The following SHROOM3 variants were observed in gnomAD, a reference collection of about 807,000 sequenced individuals.
SHROOM3 encodes the protein protein Shroom3.
A neutral mutation model predicts 138.6 loss-of-function variants in SHROOM3; 47 were observed. The observed-to-expected ratio is 0.34, with a 90% CI of 0.27 to 0.43. The LOEUF (loss-of-function observed/expected upper bound fraction) is 0.43. Among genes scored for constraint, SHROOM3 ranks in the 20% least tolerant of loss-of-function variants. The pLI, the probability that SHROOM3 is intolerant of heterozygous loss-of-function variation, is 1.00. For missense variants in SHROOM3, 2,491 were observed against 2,596.5 expected (o/e 0.96, Z 0.88); for synonymous variants, 1,062 against 1,063.3 (o/e 1.00, Z 0.02).
At position 76,770,491 on chromosome 4, in the gene SHROOM3, G is replaced by A. The variant is rs1247127619; in HGVS notation, c.5350-135G>A. 3.2e-6 allele frequency: 3 copies of A among 935,108 alleles called. No homozygotes were observed. The South Asian group carries it at 4.4e-5, about 14-fold the overall frequency. The allele number at this position is 935,108 out of a possible 1,614,324, so 57.9% of individuals were successfully genotyped here. ...AAGGCTATTATGGCATAATATTGGG[G>A]GACACTCCATATAGAGAAGGGGGAG... On this transcript the variant is annotated intron_variant, in intron 9 of 10. Transcript: ENST00000296043.
intron 1 of SHROOM3, among the ~76,000 whole-genome samples, chr4:76,519,198 G>A (rs1362231373): frequency 6.6e-6 from 1 of 152,126 alleles, no homozygotes; most frequent in Non-Finnish European, 1.5e-5. Flanking sequence ...GTAGACGGGA[G>A]GGCTATTCCC....
In SHROOM3 at chr4:76,608,534, GCATAGCATAGCATA is replaced by G. The variant is rs1734671425; in HGVS notation, c.323+52772_323+52785del. 1.6e-3 allele frequency among the ~76,000 whole-genome samples: 23 copies of G among 14,308 alleles called. 1 individual carries two copies. In the South Asian group the frequency reaches 0.025, roughly 15 times the overall value. 9.4% of individuals were successfully genotyped at this position (14,308 alleles called of 152,430 possible). A position where few individuals can be genotyped will look rare whatever the true frequency, so the allele number is the denominator to read the frequency against. On this transcript the variant is annotated intron_variant, in intron 2 of 10. Coordinates refer to ENST00000296043, the MANE Select transcript of SHROOM3 (RefSeq NM_020859.4). ...TGATTGATTGGACAGAGATGGCATA[GCATAGCATAGCATA>G]GCATAGCATAGCATAGCATAGCATA...
chr4:76,742,699 T>A lies in SHROOM3; in HGVS notation c.3753+773T>A, dbSNP rs372853233. Among the ~76,000 whole-genome samples the A allele has an allele frequency of 1.3e-5, 2 of 152,236 alleles. 1 individual carries two copies. The highest frequency in any genetic ancestry group is 3.8e-4 in the East Asian group (2 of 5,202). On this transcript the variant is annotated intron_variant, in intron 5 of 10. Coordinates refer to ENST00000296043, the MANE Select transcript of SHROOM3 (RefSeq NM_020859.4). ...CTGAGCATTCTGACTCCTAGGAGCC[T>A]GTTAATTTCCCTAATTCTTAGCCTA...
intron 1 of SHROOM3, among the ~76,000 whole-genome samples, chr4:76,469,886 G>A (rs578148840): frequency 2.6e-5 from 4 of 151,774 alleles, no homozygotes; most frequent in Middle Eastern, 3.2e-3. Flanking sequence ...AAGAGATAGA[G>A]CTTTATAGGA....
intron 9 of SHROOM3, 87 bp downstream of exon 9, chr4:76,759,782 G>C: frequency 1.3e-6 from 2 of 1,500,222 alleles, no homozygotes; most frequent in Non-Finnish European, 1.8e-6. Context: ...TGGGCCTCTT[G>C]AGGCAGGTGG....
intron 3 of SHROOM3, among the ~76,000 whole-genome samples, chr4:76,720,294 T>G (rs11732605): frequency 0.071 from 10,845 of 151,698 alleles, 494 homozygotes; most frequent in Non-Finnish European, 0.1. Flanking sequence ...AATGGAGTGT[T>G]GAAGGACAAT....
intron 2 of SHROOM3, chr4:76,586,371 C>G: frequency 2.0e-6 from 2 of 985,768 alleles, no homozygotes; most frequent in Non-Finnish European, 2.4e-6. Flanking sequence ...GCCACCAAGC[C>G]CCCGCGGTGG....
intron 1 of SHROOM3, among the ~76,000 whole-genome samples, chr4:76,462,883 A>C (rs1466180092): frequency 1.3e-5 from 2 of 152,076 alleles, no homozygotes; most frequent in Non-Finnish European, 2.9e-5. Context: ...GGAACTGTGG[A>C]TCAATTTAAC....
At chr4:76,533,873 G>T (rs73826226) in intron 1 of SHROOM3, among the ~76,000 whole-genome samples, 1 of 152,148 alleles carries the variant, frequency 6.6e-6, no homozygotes, top group Non-Finnish European at 1.5e-5. Flanking sequence ...ACACACTCCC[G>T]TGTCTCGAGT....
intron 3 of SHROOM3, among the ~76,000 whole-genome samples, chr4:76,716,907 ATTCC>A (rs1274409983): frequency 2.0e-5 from 3 of 152,148 alleles, no homozygotes; most frequent in Non-Finnish European, 2.9e-5. Context: ...ACTTTCACTT[ATTCC>A]TTCTCTGATG....
Position 76,740,290 on chromosome 4 carries a change from G to A in SHROOM3, c.2117G>A (p.Arg706Lys), listed in dbSNP as rs374976140. The part of the protein sequence containing the change: ...AVNTKAEDPG[R>K]KAAPDLGSHL... ...AACACCAAGGCAGAAGACCCTGGGA[G>A]GAAAGCCGCTCCTGACCTCGGGAGC... Residue 706 changes from arginine to lysine, a missense_variant, in exon 5 of 11, where the codon AGG (arginine) becomes AAG (lysine). By Grantham distance (26) the Arg-to-Lys change is conservative. Around this residue, in one of 4 missense-constraint regions of SHROOM3, gnomAD observed 1,733 missense variants for 1,661.6 expected, o/e 1.04. Coordinates refer to ENST00000296043, the MANE Select transcript of SHROOM3 (RefSeq NM_020859.4). The surrounding 1 kb of genome is among the most constrained non-coding windows in gnomAD (Gnocchi z 4.0). The A allele has an allele frequency of 1.5e-5, 24 of 1,613,078 alleles. No individual in the cohort carries two copies. In the African/African-American group the frequency reaches 2.8e-4, roughly 19 times the overall value.
chr4:76,555,723 G>C lies in SHROOM3; in HGVS notation c.283G>C (p.Val95Leu), dbSNP rs1733470628. Residue 95 changes from valine (V) to leucine (L), a missense_variant, in exon 2 of 11, where the codon GTG becomes CTG. By Grantham distance (32) the Val-to-Leu change is conservative. This residue lies in a region of SHROOM3 where 284 missense variants were observed against 322.8 expected (regional missense o/e 0.88). Transcript: ENST00000296043. Reference protein sequence around the residue: ...SSSRKEAVSLVKGSYKTLRLV... With the variant: ...SSSRKEAVSLLKGSYKTLRLV... The stretch of plus-strand genomic sequence containing the variant: ...CTCCAGAAAGGAGGCAGTTTCCCTG[G>C]TGAAAGGATCCTACAAGACCCTCAG... The C allele has an allele frequency of 1.9e-6, 3 of 1,613,884 alleles. No individual in the cohort carries two copies. The highest frequency in any genetic ancestry group is 2.5e-6 in the Non-Finnish European group (3 of 1,180,012).
chr4:76,750,376 GCT>G (rs1560613748), intron 6 of SHROOM3, among the ~76,000 whole-genome samples: 22 of 152,286 alleles, frequency 1.4e-4, no homozygotes, highest in African/African-American at 5.3e-4. Flanking sequence ...CATGGATGGA[GCT>G]GAAGGCCATT....
intron 1 of SHROOM3, among the ~76,000 whole-genome samples, chr4:76,500,614 C>G (rs1335324803): frequency 6.6e-6 from 1 of 152,018 alleles, no homozygotes; most frequent in Non-Finnish European, 1.5e-5. Flanking sequence ...TTTGCCAACT[C>G]TTGGTATTTT....
chr4:76,751,368 T>C (rs891673932), intron 6 of SHROOM3, among the ~76,000 whole-genome samples: 1 of 152,196 alleles, frequency 6.6e-6, no homozygotes, highest in Non-Finnish European at 1.5e-5. Flanking sequence ...CCTGAATACA[T>C]GAAATTCAGA....
intron 1 of SHROOM3, among the ~76,000 whole-genome samples, chr4:76,506,708 C>T (rs1291934280): frequency 6.6e-6 from 1 of 152,210 alleles, no homozygotes; most frequent in East Asian, 1.9e-4. Context: ...CATCCTACCT[C>T]ATTCCTGATT....
At chr4:76,645,706 A>G (rs1305261154) in intron 2 of SHROOM3, 1 of 152,220 alleles carries the variant, frequency 6.6e-6, no homozygotes. Flanking sequence ...TAGGAAAGCC[A>G]ATACAAAGAC....
In SHROOM3 at chr4:76,738,757, C is replaced by G. The variant is rs1721155070; in HGVS notation, c.588-4C>G. On this transcript the variant is annotated splice_polypyrimidine_tract_variant and splice_region_variant and intron_variant, in intron 4 of 10. Coordinates refer to ENST00000296043, the MANE Select transcript of SHROOM3 (RefSeq NM_020859.4). ...TGGTACTGACTGCTTTGTCTTTCTT[C>G]CAGCTCCTCTACTAGTGACCTCTCC... 6.2e-7 allele frequency: 1 copy of G among 1,614,050 alleles called. No individual in the cohort carries two copies. The highest frequency in any genetic ancestry group is 1.3e-5 in the African/African-American group (1 of 74,942).
intron 1 of SHROOM3, among the ~76,000 whole-genome samples, chr4:76,489,083 G>A (rs1381481049): frequency 1.3e-5 from 2 of 152,192 alleles, no homozygotes; most frequent in African/African-American, 4.8e-5. Context: ...GTCCCTGCCA[G>A]CACTTTGCCA....
Sources: allele counts gnomAD v4.1 joint callset (sites outside exome capture counted in the v4.1 genomes callset), GRCh38; gene constraint gnomAD v4.1.1; regional missense constraint gnomAD v4.1.1; non-coding constraint Gnocchi (gnomAD v3.1); transcripts MANE v1.5; gene names NCBI Gene and HGNC (gene_info 2026-07-23, HGNC 2026-07-21).